The following NALF1 variants were observed in gnomAD, a reference collection of about 807,000 sequenced individuals.
NALF1 encodes NALCN channel auxiliary factor 1, also known as family with sequence similarity 155 member A.
A neutral mutation model predicts 48.4 loss-of-function variants in NALF1; 3 were observed. The ratio of observed to expected loss-of-function variants is 0.06; its 90% CI spans 0.03 to 0.16. The LOEUF (loss-of-function observed/expected upper bound fraction) is 0.16. NALF1 is among the 10% of genes least tolerant of loss of function. The probability of loss-of-function intolerance (pLI) is 1.00; values close to 1 mark genes in which losing one functional copy is unlikely to be tolerated. For synonymous variants in NALF1, 262 were observed against 245.7 expected, an observed-to-expected ratio of 1.07 and a Z score of -0.62; for missense variants, 526 against 571.5, an observed-to-expected ratio of 0.92 and a Z score of 0.81.
chr13:107,517,004 T>A (rs968269604), intron 1 of NALF1, among the ~76,000 whole-genome samples: 4 of 152,202 alleles, frequency 2.6e-5, no homozygotes, highest in African/African-American at 9.6e-5. Flanking sequence ...TGCCAGGCTA[T>A]AGTTGGAAAT....
At chr13:107,258,211 A>C (rs528467130) in intron 1 of NALF1, among the ~76,000 whole-genome samples, 1 of 152,318 alleles carries the variant, frequency 6.6e-6, no homozygotes, top group East Asian at 1.9e-4. Flanking sequence ...ATTATAGGTA[A>C]AATCAATAGA....
intron 1 of NALF1, among the ~76,000 whole-genome samples, chr13:107,327,232 A>G (rs1204271672): frequency 6.6e-6 from 1 of 152,094 alleles, no homozygotes; most frequent in Non-Finnish European, 1.5e-5. Flanking sequence ...CAAGACCTAC[A>G]GAAAGGGGAG....
intron 1 of NALF1, among the ~76,000 whole-genome samples, chr13:107,508,310 T>A (rs2139085030): frequency 6.6e-6 from 1 of 151,732 alleles, no homozygotes; most frequent in Middle Eastern, 3.5e-3. Context: ...CTTATTAATA[T>A]TTGATATACT....
intron 1 of NALF1, among the ~76,000 whole-genome samples, chr13:107,433,758 T>C (rs1173464821): frequency 6.6e-6 from 1 of 151,948 alleles, no homozygotes; most frequent in African/African-American, 2.4e-5. Context: ...CTCAGAGAAA[T>C]AATAGATTTC....
intron 1 of NALF1, among the ~76,000 whole-genome samples, chr13:107,726,949 G>A (rs1375378026): frequency 1.3e-5 from 2 of 150,972 alleles, no homozygotes; most frequent in Non-Finnish European, 2.9e-5. Context: ...GTGTGTGTGT[G>A]TGTGTGTGTG....
At chr13:107,632,908 T>C (rs201937234) in intron 1 of NALF1, among the ~76,000 whole-genome samples, 5 of 65,222 alleles carry the variant, frequency 7.7e-5, no homozygotes, top group East Asian at 3.1e-3. Flanking sequence ...ACAAGCCTCA[T>C]GAAAAAAAAA....
chr13:107,389,443 TAGATACAGGGAGAAAAC>T (rs1883584576), intron 1 of NALF1, among the ~76,000 whole-genome samples: 1 of 152,026 alleles, frequency 6.6e-6, no homozygotes, highest in Non-Finnish European at 1.5e-5. Flanking sequence ...AAAGACGACA[TAGATACAGGGAGAAAAC>T]AGACATCCAC....
At chr13:107,440,816 C>T (rs74114529) in intron 1 of NALF1, among the ~76,000 whole-genome samples, 2,980 of 152,194 alleles carry the variant, frequency 0.02, 105 homozygotes, top group African/African-American at 0.069. Flanking sequence ...AGTTCCTATG[C>T]TGTGTTGTTG....
At chr13:107,498,539 A>T (rs72652720) in intron 1 of NALF1, among the ~76,000 whole-genome samples, 1 of 152,306 alleles carries the variant, frequency 6.6e-6, no homozygotes, top group Non-Finnish European at 1.5e-5. Context: ...TAATGATCAC[A>T]GGGAAAGATA....
At chr13:107,370,670 C>A (rs2138964328) in intron 1 of NALF1, among the ~76,000 whole-genome samples, 1 of 152,202 alleles carries the variant, frequency 6.6e-6, no homozygotes, top group South Asian at 2.1e-4. Flanking sequence ...TACTGGAAAG[C>A]AAAACAGTTG....
At chr13:107,649,114 C>T (rs766459117) in intron 1 of NALF1, among the ~76,000 whole-genome samples, 4 of 152,050 alleles carry the variant, frequency 2.6e-5, no homozygotes, top group Non-Finnish European at 4.4e-5. Context: ...GTAAATATTT[C>T]CCCCAACCTA....
chr13:107,178,724 A>C (rs907613240), intron 2 of NALF1, among the ~76,000 whole-genome samples: 4 of 152,166 alleles, frequency 2.6e-5, no homozygotes, highest in African/African-American at 2.4e-5. Context: ...CGGGCGGATC[A>C]CGAGGTCAGG....
At chr13:107,501,298 A>G (rs1423598519) in intron 1 of NALF1, among the ~76,000 whole-genome samples, 2 of 152,040 alleles carry the variant, frequency 1.3e-5, no homozygotes, top group African/African-American at 4.8e-5. Context: ...CCCACCTCCA[A>G]CACCACAGCG....
At chr13:107,626,387 A>G (rs1879674965) in intron 1 of NALF1, among the ~76,000 whole-genome samples, 1 of 152,068 alleles carries the variant, frequency 6.6e-6, no homozygotes, top group South Asian at 2.1e-4. Flanking sequence ...TAGAACTACC[A>G]TATGATCCAG....
intron 1 of NALF1, among the ~76,000 whole-genome samples, chr13:107,387,801 C>A (rs1047785635): frequency 2.0e-5 from 3 of 152,198 alleles, no homozygotes; most frequent in African/African-American, 7.2e-5. Flanking sequence ...TTCATAGGTA[C>A]TTGTACTTTT....
intron 1 of NALF1, among the ~76,000 whole-genome samples, chr13:107,461,513 C>T (rs748337448): frequency 3.9e-5 from 6 of 152,282 alleles, no homozygotes; most frequent in Non-Finnish European, 8.8e-5. Flanking sequence ...AAACTCTACT[C>T]TCTATATAAA....
chr13:107,673,139 T>A (rs866351122), intron 1 of NALF1, among the ~76,000 whole-genome samples: 1 of 152,166 alleles, frequency 6.6e-6, no homozygotes, highest in Non-Finnish European at 1.5e-5. Context: ...TGGGCTTTGA[T>A]CTTGTGTTCT....
At chr13:107,335,715 A>G (rs192440978) in intron 1 of NALF1, among the ~76,000 whole-genome samples, 4 of 152,278 alleles carry the variant, frequency 2.6e-5, no homozygotes, top group Admixed American at 2.6e-4. Context: ...GGGTACCATC[A>G]CTACAGGCAG....
chr13:107,400,963 T>C (rs1883796586), intron 1 of NALF1, among the ~76,000 whole-genome samples: 1 of 152,152 alleles, frequency 6.6e-6, no homozygotes, highest in Non-Finnish European at 1.5e-5. Context: ...GCCACAGAGA[T>C]GGGCTCCAAG....
Sources: gnomAD v4.1 joint callset for allele counts (sites outside exome capture counted in the v4.1 genomes callset) on GRCh38, gnomAD v4.1.1 for gene constraint, MANE v1.5 for transcripts, NCBI Gene and HGNC (gene_info 2026-07-23, HGNC 2026-07-21) for gene names.